ERCC2: variants seen among roughly 807,000 people sequenced by gnomAD.
ERCC2 encodes the protein general transcription and DNA repair factor IIH helicase subunit XPD.
Under a neutral mutation model 99.4 loss-of-function variants are expected in ERCC2, and 90 were observed. The ratio of observed to expected loss-of-function variants is 0.91; its 90% CI spans 0.76 to 1.08. ERCC2 has a LOEUF of 1.08. Among genes scored for constraint, ERCC2 ranks in the 50% least tolerant of loss-of-function variants. The pLI is 0.00. For missense variants in ERCC2, 993 were observed against 1,038.1 expected, an observed-to-expected ratio of 0.96 and a Z score of 0.60; for synonymous variants, 497 against 432.4, an observed-to-expected ratio of 1.15 and a Z score of -1.85.
Position 45,352,556 on chromosome 19 carries a change from G to A in ERCC2, c.1996C>T (p.Arg666Trp), listed in dbSNP as rs752510317. 18 of 1,614,144 alleles carry A rather than the reference G, an allele frequency of 1.1e-5. No individual in the cohort carries two copies. Among genetic ancestry groups the A allele is most frequent in the Non-Finnish European group, 1.4e-5 (17 of 1,180,038 alleles). The change falls in exon 21 of 23, where the codon CGG (arginine) becomes TGG (tryptophan). Residue 666 changes from arginine to tryptophan, a missense_variant. Transcript: ENST00000391945. ...TAGTCCGTCTTGCCCCTGATGGCCC[G>A]ACCCACACACTGGGCCGCGTGGCGC... ...AMRHAAQCVG[R>W]AIRGKTDYGL...
In ERCC2 at chr19:45,358,854, G is replaced by C. The variant is rs41275762; in HGVS notation, c.1238-1155C>G. On this transcript the variant is annotated intron_variant, in intron 12 of 22. Transcript: ENST00000391945. Reference sequence around the variant, plus strand: ...TTTTCCCATCTGGAATATAAGTTCTGGGGGGTTAGGGATGAGATCTTTTTT... The same window carrying C: ...TTTTCCCATCTGGAATATAAGTTCTCGGGGGTTAGGGATGAGATCTTTTTT... 4,220 of 780,424 alleles carry C rather than the reference G, an allele frequency of 5.4e-3. 27 individuals carry two copies. The highest frequency in any genetic ancestry group is 8.8e-3 in the Middle Eastern group (39 of 4,432). 48.3% of individuals were successfully genotyped at this position (780,424 alleles called of 1,614,324 possible). A position where few individuals can be genotyped will look rare whatever the true frequency, so the allele number is the denominator to read the frequency against.
intron 22 of ERCC2, 108 bp downstream of exon 22, chr19:45,352,101 G>T: frequency 7.8e-7 from 1 of 1,281,516 alleles, no homozygotes; most frequent in Non-Finnish European, 1.1e-6. Context: ...CTTTGCTGAG[G>T]GCAGGAGGAC....
intron 12 of ERCC2, among the ~76,000 whole-genome samples, chr19:45,359,203 G>A (rs549670435): frequency 6.6e-6 from 1 of 152,146 alleles, no homozygotes; most frequent in African/African-American, 2.4e-5. Flanking sequence ...CTAAGGATGA[G>A]GGGGAGGTGG....
At position 45,350,802 on chromosome 19, in the gene ERCC2, A is replaced by ACCCCAC. The variant is rs954552596; in HGVS notation, c.*821_*826dup. On this transcript the variant is annotated 3_prime_UTR_variant, in exon 23 of 23. Transcript: ENST00000391945. ...CTGACATCAGCAGAATCCACAGCCCACCCCACCCCCACCCCCATCTTGCTC... is the reference window on the plus strand; with the variant it reads ...CTGACATCAGCAGAATCCACAGCCCACCCCACCCCCACCCCCACCCCCATCTTGCTC... 1.1e-4 allele frequency: 93 copies of ACCCCAC among 823,794 alleles called. No homozygotes were observed. Among genetic ancestry groups the ACCCCAC allele is most frequent in the East Asian group, 6.7e-4 (15 of 22,298 alleles). 51.0% of individuals were successfully genotyped at this position (823,794 alleles called of 1,614,324 possible).
intron 16 of ERCC2, 148 bp from the exon 17 acceptor site, chr19:45,354,999 A>ATAC: frequency 1.0e-6 from 1 of 1,001,438 alleles, no homozygotes; most frequent in South Asian, 1.3e-5. Flanking sequence ...GGCGTGTCTG[A>ATAC]GGACCCGCCT....
intron 5 of ERCC2, among the ~76,000 whole-genome samples, chr19:45,366,268 G>A (rs1418089050): frequency 6.6e-6 from 1 of 152,032 alleles, no homozygotes; most frequent in Non-Finnish European, 1.5e-5. Context: ...TCAGCCTCCC[G>A]AGTAGCTGGG....
intron 8 of ERCC2, 35 bp from the exon 9 acceptor site, chr19:45,364,366 C>A (rs1162052647): frequency 1.2e-6 from 2 of 1,613,898 alleles, no homozygotes; most frequent in Admixed American, 3.3e-5. Context: ...TCAGGCAGGC[C>A]TGCAGGGGCC....
Position 45,370,527 on chromosome 19 carries a change from C to G in ERCC2, c.5+9G>C, listed in dbSNP as rs773644336. On this transcript the variant is annotated intron_variant, in intron 1 of 22. Coordinates refer to ENST00000391945, the MANE Select transcript of ERCC2 (RefSeq NM_000400.4). ...CGCTAGCGAGCGCGACCCCCAGCCCCCTTCTCACTTCATGGCGCCGGCCGG... is the reference window on the plus strand; with the variant it reads ...CGCTAGCGAGCGCGACCCCCAGCCCGCTTCTCACTTCATGGCGCCGGCCGG... 1.9e-6 allele frequency: 3 copies of G among 1,591,756 alleles called. No homozygotes were observed. Among genetic ancestry groups the G allele is most frequent in the Non-Finnish European group, 2.6e-6 (3 of 1,174,218 alleles).
rs1568531468 is a variant in ERCC2 at position 45,352,368 on chromosome 19, C to T, written c.2047-16G>A. The T allele has an allele frequency of 3.7e-6, 6 of 1,613,918 alleles. No individual in the cohort carries two copies. Among genetic ancestry groups the T allele is most frequent in the East Asian group, 2.2e-5 (1 of 44,882 alleles). On this transcript the variant is annotated splice_polypyrimidine_tract_variant and intron_variant, in intron 21 of 22. Coordinates refer to ENST00000391945, the MANE Select transcript of ERCC2 (RefSeq NM_000400.4). ...GGGCAAACCGCTGTGGGCAGAAGCG[C>T]AGGCCAGGGACAGAAGGTCATTCGG...
At chr19:45,362,571 G>A (rs1333834059) in intron 11 of ERCC2, among the ~76,000 whole-genome samples, 6 of 152,224 alleles carry the variant, frequency 3.9e-5, no homozygotes, top group South Asian at 2.1e-4. Context: ...CCTCCCGCAC[G>A]TCAGCCCTCC....
At chr19:45,362,473 C>T (rs954144500) in intron 11 of ERCC2, among the ~76,000 whole-genome samples, 5 of 152,228 alleles carry the variant, frequency 3.3e-5, no homozygotes, top group African/African-American at 1.2e-4. Flanking sequence ...CAGGGCCACT[C>T]GGCCACAACC....
At chr19:45,366,320 T>C (rs1215644417) in intron 5 of ERCC2, among the ~76,000 whole-genome samples, 1 of 152,044 alleles carries the variant, frequency 6.6e-6, no homozygotes, top group Non-Finnish European at 1.5e-5. Flanking sequence ...TTTTGTCTTT[T>C]TAGTAGAGAC....
Position 45,370,165 on chromosome 19 carries a change from T to C in ERCC2, c.73A>G (p.Met25Val), listed in dbSNP as rs773848568. The part of the protein sequence containing the change: ...DYIYPEQFSY[M>V]RELKRTLDAK... ...TCCAGCGTGCGTTTGAGCTCCCGCATGTAGGAGAACTGCTCGGGGTAGATG... is the reference window on the plus strand; with the variant it reads ...TCCAGCGTGCGTTTGAGCTCCCGCACGTAGGAGAACTGCTCGGGGTAGATG... The change falls in exon 2 of 23, where the codon ATG (methionine) becomes GTG (valine). Residue 25 changes from methionine to valine, a missense_variant. Physicochemically the swap from Met to Val is conservative, Grantham distance 21. Transcript: ENST00000391945. The C allele has an allele frequency of 6.2e-7, 1 of 1,613,102 alleles. No homozygotes were observed. Among genetic ancestry groups the C allele is most frequent in the Non-Finnish European group, 8.5e-7 (1 of 1,179,388 alleles).
chr19:45,360,088 T>TC (rs1972161323), intron 12 of ERCC2, among the ~76,000 whole-genome samples: 1 of 150,980 alleles, frequency 6.6e-6, no homozygotes, highest in Admixed American at 6.6e-5. Flanking sequence ...TTTTTTTCTT[T>TC]TTTTTTTTTG....
chr19:45,369,695 AAG>A (rs970326061), intron 2 of ERCC2, among the ~76,000 whole-genome samples: 4 of 152,170 alleles, frequency 2.6e-5, no homozygotes, highest in African/African-American at 9.7e-5. Flanking sequence ...CTTCTTTTTT[AAG>A]AGACAAGTGT....
chr19:45,363,096 G>A (rs950219224), intron 11 of ERCC2, among the ~76,000 whole-genome samples: 7 of 152,146 alleles, frequency 4.6e-5, no homozygotes, highest in African/African-American at 1.7e-4. Flanking sequence ...TACAAAGGAG[G>A]AAACTGCAGT....
Position 45,363,859 on chromosome 19 carries a change from C to T in ERCC2, c.1002G>A (p.Arg334=), listed in dbSNP as rs1270844543. ...RTAEHFLGFL[R]RLLEYVKWRL... ...GCCACTTCACGTACTCCAGCAGCCGCCTCAGGAAGCCCAGGAAATGCTCGG... is the reference window on the plus strand; with the variant it reads ...GCCACTTCACGTACTCCAGCAGCCGTCTCAGGAAGCCCAGGAAATGCTCGG... Residue 334 remains arginine, a synonymous_variant, in exon 11 of 23, where the codon AGG becomes AGA. Coordinates refer to ENST00000391945, the MANE Select transcript of ERCC2 (RefSeq NM_000400.4). The T allele has an allele frequency of 6.4e-7, 1 of 1,551,566 alleles. No homozygotes were observed. The highest frequency in any genetic ancestry group is 1.9e-5 in the Admixed American group (1 of 53,210).
chr19:45,362,577 C>A (rs1972263216), intron 11 of ERCC2, among the ~76,000 whole-genome samples: 1 of 152,236 alleles, frequency 6.6e-6, no homozygotes. Context: ...GCACGTCAGC[C>A]CTCCCAGCCT....
intron 16 of ERCC2, among the ~76,000 whole-genome samples, chr19:45,355,387 G>T (rs924173881): frequency 6.6e-6 from 1 of 152,174 alleles, no homozygotes; most frequent in Non-Finnish European, 1.5e-5. Flanking sequence ...TTCCAGGGGA[G>T]CACCCTTAGG....
Sources: allele counts gnomAD v4.1 joint callset (sites outside exome capture counted in the v4.1 genomes callset), GRCh38; gene constraint gnomAD v4.1.1; transcripts MANE v1.5; gene names NCBI Gene and HGNC (gene_info 2026-07-23, HGNC 2026-07-21).